The following PRRC2C variants were observed in gnomAD, a reference collection of about 807,000 sequenced individuals.
The protein encoded by PRRC2C is protein PRRC2C.
A neutral mutation model predicts 317.2 loss-of-function variants in PRRC2C; 72 were observed. The ratio of observed to expected loss-of-function variants is 0.23; its 90% confidence interval spans 0.19 to 0.28. The LOEUF is 0.28. Among genes scored for constraint, PRRC2C ranks in the 10% least tolerant of loss-of-function variants. PRRC2C has a pLI of 1.00. For synonymous variants in PRRC2C, 1,296 were observed against 1,205.9 expected (o/e 1.07, Z -1.55); for missense variants, 3,074 against 3,459.7 (o/e 0.89, Z 2.80).
At chr1:171,569,338 A>G (rs1395858318) in intron 23 of PRRC2C, among the ~76,000 whole-genome samples, 14 of 151,476 alleles carry the variant, frequency 9.2e-5, no homozygotes, top group African/African-American at 2.7e-4. Flanking sequence ...TATGCTTTCT[A>G]TTCTTCCCTC....
In PRRC2C at chr1:171,485,637, TC is replaced by T. The variant is rs1410162867; in HGVS notation, c.-154del. 6.5e-6 allele frequency: 1 copy of T among 152,682 alleles called. No homozygotes were observed. Among genetic ancestry groups the T allele is most frequent in the Non-Finnish European group, 1.5e-5 (1 of 68,082 alleles). 9.5% of individuals were successfully genotyped at this position (152,682 alleles called of 1,614,324 possible). On this transcript the variant is annotated 5_prime_UTR_variant, in exon 1 of 35. Transcript: ENST00000647382. ...TCGGCTTTTCCAGTCTGGTGGCCCT[TC>T]CGGCCACCCCTTTAACCCCAGCTTT...
At chr1:171,581,048 G>A (rs535025846) in intron 28 of PRRC2C, among the ~76,000 whole-genome samples, 1 of 152,220 alleles carries the variant, frequency 6.6e-6, no homozygotes, top group African/African-American at 2.4e-5. Flanking sequence ...CCTCATAAAT[G>A]TGGCTTTTAT....
At chr1:171,516,343 T>G (rs1390442033) in intron 5 of PRRC2C, among the ~76,000 whole-genome samples, 1 of 152,220 alleles carries the variant, frequency 6.6e-6, no homozygotes, top group Admixed American at 6.5e-5. Flanking sequence ...TTTAAATGTC[T>G]TCTTAATTGT....
At position 171,566,616 on chromosome 1, in the gene PRRC2C, A is replaced by G; in HGVS notation, c.6331A>G (p.Asn2111Asp). The G allele has an allele frequency of 6.3e-7, 1 of 1,592,884 alleles. No individual in the cohort carries two copies. Among genetic ancestry groups the G allele is most frequent in the Non-Finnish European group, 8.5e-7 (1 of 1,170,052 alleles). The change falls in exon 22 of 35, where the codon AAC (asparagine) becomes GAC (aspartate). Residue 2111 changes from asparagine (N) to aspartate (D), a missense_variant. Asn to Asp is a conservative substitution (Grantham distance 23). This residue lies in a region of PRRC2C where 640 missense variants were observed against 676.1 expected (regional missense o/e 0.95). Coordinates refer to ENST00000647382, the MANE Select transcript of PRRC2C (RefSeq NM_001387844.1). ...QKLPDLSPVENKEHKPGPIGK... is the reference protein window; with the variant it reads ...QKLPDLSPVEDKEHKPGPIGK... ...GCTTCCAGATTTGAGTCCAGTAGAA[A>G]ACAAAGAACACAAACCTGGTCCCAT...
chr1:171,560,459 A>C (rs922204188), intron 19 of PRRC2C, among the ~76,000 whole-genome samples: 8 of 152,246 alleles, frequency 5.3e-5, no homozygotes, highest in African/African-American at 1.9e-4. Context: ...CATGCTACAG[A>C]GAATTCATGA....
At chr1:171,512,571 GT>G in intron 2 of PRRC2C, 2 of 192,986 alleles carry the variant, frequency 1.0e-5, no homozygotes, top group South Asian at 8.6e-5. Context: ...GTGTGTGGGG[GT>G]GTGTGTGTGT....
chr1:171,552,503 A>T (rs991556318), intron 18 of PRRC2C, among the ~76,000 whole-genome samples: 10 of 152,138 alleles, frequency 6.6e-5, no homozygotes, highest in Admixed American at 6.6e-4. Context: ...CACTATGCTG[A>T]ATAGGAGTGT....
intron 6 of PRRC2C, among the ~76,000 whole-genome samples, chr1:171,520,293 G>A (rs941572976): frequency 2.0e-5 from 3 of 152,112 alleles, no homozygotes; most frequent in Non-Finnish European, 4.4e-5. Flanking sequence ...AAGTTTGGGA[G>A]TATGCTGACC....
intron 1 of PRRC2C, chr1:171,511,156 A>G (rs1671304162): frequency 6.6e-6 from 1 of 152,016 alleles, no homozygotes; most frequent in African/African-American, 2.4e-5. Context: ...TCTATGGTAG[A>G]ATTAGCCATC....
chr1:171,559,833 T>C (rs562418152), intron 19 of PRRC2C, among the ~76,000 whole-genome samples: 1 of 152,250 alleles, frequency 6.6e-6, no homozygotes, highest in Admixed American at 6.5e-5. Context: ...TACCTATTAT[T>C]TTTAAGCCCA....
At position 171,569,068 on chromosome 1, in the gene PRRC2C, T is replaced by C. The variant is rs114188706; in HGVS notation, c.6651+729T>C. Among the ~76,000 whole-genome samples the C allele has an allele frequency of 4.0e-3, 612 of 152,294 alleles. 3 individuals carry two copies. The highest frequency in any genetic ancestry group is 0.013 in the African/African-American group (547 of 41,582). ...AACATTAGGTAGCTTGCCATAGTTA[T>C]ACAGTGTCATTTATTTAGAAGAACA... is the stretch of plus-strand genomic sequence containing the variant. On this transcript the variant is annotated intron_variant, in intron 23 of 34. Transcript: ENST00000647382.
Position 171,524,909 on chromosome 1 carries a change from C to A in PRRC2C, c.1144C>A (p.Pro382Thr), listed in dbSNP as rs1327719768. The change falls in exon 10 of 35, where the codon CCT (proline) becomes ACT (threonine). Residue 382 changes from proline to threonine, a missense_variant. This residue lies in a region of PRRC2C where 1,320 missense variants were observed against 1,395.7 expected (regional missense o/e 0.95). Coordinates refer to ENST00000647382, the MANE Select transcript of PRRC2C (RefSeq NM_001387844.1). ...CAACACTAAATCATCTTCCCAAATA[C>A]CTGCCCAACCATCAGTAGCAAAAGT... ...VSNTKSSSQIPAQPSVAKVPY... is the reference protein window; with the variant it reads ...VSNTKSSSQITAQPSVAKVPY... The A allele has an allele frequency of 1.2e-6, 2 of 1,611,528 alleles. No individual in the cohort carries two copies. The highest frequency in any genetic ancestry group is 1.7e-6 in the Non-Finnish European group (2 of 1,178,672).
chr1:171,539,294 C>T (rs923128601), intron 15 of PRRC2C, among the ~76,000 whole-genome samples: 3 of 152,198 alleles, frequency 2.0e-5, no homozygotes, highest in South Asian at 2.1e-4. Flanking sequence ...CGTGAGCCAC[C>T]GCACCCGGCC....
intron 10 of PRRC2C, among the ~76,000 whole-genome samples, chr1:171,527,125 T>G (rs182709355): frequency 6.7e-6 from 1 of 149,648 alleles, no homozygotes; most frequent in South Asian, 2.1e-4. Flanking sequence ...CTAATAGATA[T>G]ATCTTTTCTT....
At chr1:171,494,240 T>C (rs983331764) in intron 1 of PRRC2C, among the ~76,000 whole-genome samples, 3 of 152,224 alleles carry the variant, frequency 2.0e-5, no homozygotes, top group Non-Finnish European at 4.4e-5. Context: ...CTGTTCTGAT[T>C]GTTAAGGCTT....
chr1:171,558,245 C>A, intron 19 of PRRC2C, 102 bp downstream of exon 19: 1 of 1,339,040 alleles, frequency 7.5e-7, no homozygotes, highest in Non-Finnish European at 9.8e-7. Flanking sequence ...CTAGCCATCT[C>A]ATTTTTTATT....
rs35237893 is a variant in PRRC2C, at chr1:171,496,582, A to ATT, written c.-58+10850_-58+10851dup. On this transcript the variant is annotated intron_variant, in intron 1 of 34. Coordinates refer to ENST00000647382, the MANE Select transcript of PRRC2C (RefSeq NM_001387844.1). The stretch of plus-strand genomic sequence containing the variant: ...TCATTCAGATTCCCCACTTGTTAAT[A>ATT]TTTTACCATATTTACTTTATTATTT... 3.8e-3 allele frequency among the ~76,000 whole-genome samples: 580 copies of ATT among 152,136 alleles called. 3 individuals are homozygous for ATT. The highest frequency in any genetic ancestry group is 0.013 in the African/African-American group (529 of 41,488).
chr1:171,588,268 T>G, intron 32 of PRRC2C, 111 bp from the exon 33 acceptor site: 1 of 1,256,034 alleles, frequency 8.0e-7, no homozygotes, highest in Admixed American at 2.2e-5. Context: ...TCATAGTAAA[T>G]TTTTACCAAC....
intron 18 of PRRC2C, among the ~76,000 whole-genome samples, chr1:171,553,348 CTCTTT>C (rs1401562749): frequency 6.6e-6 from 1 of 151,876 alleles, no homozygotes; most frequent in Non-Finnish European, 1.5e-5. Context: ...TGATTCTTCT[CTCTTT>C]TCTTCTTTAT....
Sources: allele counts gnomAD v4.1 joint callset (sites outside exome capture counted in the v4.1 genomes callset), GRCh38; gene constraint gnomAD v4.1.1; regional missense constraint gnomAD v4.1.1; transcripts MANE v1.5; gene names NCBI Gene and HGNC (gene_info 2026-07-23, HGNC 2026-07-21).